The following NRP2 variants were observed in gnomAD, a reference collection of about 807,000 sequenced individuals.
NRP2 encodes neuropilin 2, also known as neuropilin-2.
In NRP2, 52 loss-of-function variants were observed where a neutral mutation model predicts 110.4. The observed-to-expected ratio is 0.47, with a 90% confidence interval of 0.38 to 0.59. The LOEUF is 0.59. Ranked by LOEUF, NRP2 falls within the 20% of genes least tolerant of loss-of-function variation. The pLI is 0.00. For synonymous variants in NRP2, 508 were observed against 468.9 expected, an observed-to-expected ratio of 1.08 and a Z score of -1.08; for missense variants, 1,049 against 1,203.0, an observed-to-expected ratio of 0.87 and a Z score of 1.89.
chr2:205,741,165 G>A (rs2057434485), intron 8 of NRP2, among the ~76,000 whole-genome samples: 1 of 152,296 alleles, frequency 6.6e-6, no homozygotes, highest in South Asian at 2.1e-4. Flanking sequence ...TTCTGTGTGG[G>A]CATATGGACA....
intron 14 of NRP2, 132 bp from the exon 15 acceptor site, chr2:205,766,651 C>A: frequency 1.3e-6 from 1 of 782,768 alleles, no homozygotes; most frequent in Non-Finnish European, 2.2e-6. Flanking sequence ...ATGGGGGGCC[C>A]TCTCCATGGA....
rs1280050583 is a variant in NRP2, at chr2:205,726,052, C to T, written c.960C>T (p.Pro320=). The change falls in exon 6 of 17, where the codon CCC becomes CCT. Residue 320 remains proline (P), a synonymous_variant. Transcript: ENST00000357785. The stretch of plus-strand genomic sequence containing the variant: ...ATGGTGATGACAATGGCTGGACCCC[C>T]AACTTGGATTCCAACAAGGAGTATC... ...RLHGDDNGWT[P]NLDSNKEYLQ... 2 of 1,614,076 alleles carry T rather than the reference C, an allele frequency of 1.2e-6. No homozygotes were observed. Among genetic ancestry groups the T allele is most frequent in the African/African-American group, 2.7e-5 (2 of 74,924 alleles).
intron 2 of NRP2, among the ~76,000 whole-genome samples, chr2:205,703,609 C>T (rs2056609012): frequency 6.6e-6 from 1 of 152,198 alleles, no homozygotes; most frequent in South Asian, 2.1e-4. Context: ...GGACCTGTTA[C>T]GTGGGCCCAC....
intron 15 of NRP2, chr2:205,767,529 G>A: frequency 2.3e-6 from 1 of 425,904 alleles, no homozygotes; most frequent in Non-Finnish European, 4.7e-6. Context: ...AAAGCAGAGA[G>A]AGCAGAGCAA....
At chr2:205,783,236 G>A (rs905198348) in intron 15 of NRP2, among the ~76,000 whole-genome samples, 3 of 152,000 alleles carry the variant, frequency 2.0e-5, no homozygotes, top group Admixed American at 6.6e-5. Context: ...GCCAACTTAC[G>A]GGGAATATGG....
intron 7 of NRP2, among the ~76,000 whole-genome samples, chr2:205,734,367 A>G (rs2057300885): frequency 6.6e-6 from 1 of 151,806 alleles, no homozygotes; most frequent in Non-Finnish European, 1.5e-5. Context: ...AAACAACAAA[A>G]AAAGCCCATT....
intron 12 of NRP2, among the ~76,000 whole-genome samples, chr2:205,759,018 G>A (rs1487136377): frequency 6.6e-6 from 1 of 151,934 alleles, no homozygotes; most frequent in South Asian, 2.1e-4. Context: ...GCCATAAATC[G>A]GGAGATTCCA....
intron 12 of NRP2, among the ~76,000 whole-genome samples, chr2:205,753,868 T>A (rs561927573): frequency 5.9e-5 from 9 of 152,220 alleles, no homozygotes; most frequent in Non-Finnish European, 8.8e-5. Flanking sequence ...TTTTCCATTG[T>A]GCAAATACAG....
intron 15 of NRP2, chr2:205,776,947 CAT>C (rs768431450): frequency 3.5e-4 from 401 of 1,142,858 alleles, no homozygotes; most frequent in Admixed American, 2.4e-3. Flanking sequence ...ACATAGTAGA[CAT>C]GTGTGTGTGT....
chr2:205,782,842 C>G (rs1024120167), intron 15 of NRP2, among the ~76,000 whole-genome samples: 1 of 151,602 alleles, frequency 6.6e-6, no homozygotes, highest in Non-Finnish European at 1.5e-5. Flanking sequence ...GATGAGTGTT[C>G]AGACTGTGTC....
intron 2 of NRP2, among the ~76,000 whole-genome samples, chr2:205,708,298 G>A (rs2056726240): frequency 6.6e-6 from 1 of 152,168 alleles, no homozygotes; most frequent in Non-Finnish European, 1.5e-5. Flanking sequence ...CCTTACATAA[G>A]CAAACATGTT....
At chr2:205,766,737 G>A in intron 14 of NRP2, 46 bp from the exon 15 acceptor site, 1 of 1,555,626 alleles carries the variant, frequency 6.4e-7, no homozygotes, top group Non-Finnish European at 8.9e-7. Flanking sequence ...TCACCCAATT[G>A]TTTCTTGCCT....
intron 12 of NRP2, 26 bp downstream of exon 12, chr2:205,753,001 GAA>G: frequency 6.2e-7 from 1 of 1,612,350 alleles, no homozygotes; most frequent in Non-Finnish European, 8.5e-7. Flanking sequence ...GTGAAGATAT[GAA>G]AGAGTTAAGG....
At position 205,733,823 on chromosome 2, in the gene NRP2, C is replaced by T. The variant is rs556250985; in HGVS notation, c.1146+5777C>T. Among the ~76,000 whole-genome samples, 68 of 152,100 alleles carry T rather than the reference C, an allele frequency of 4.5e-4. No individual in the cohort carries two copies. The South Asian group carries it at 0.013, about 29-fold the overall frequency. Reference sequence around the variant, plus strand: ...CCCACCCCTGAGCTGCCCTCCTCCCCGCTCCTCCCTGATGCGTTCCTGTCT... The same window carrying T: ...CCCACCCCTGAGCTGCCCTCCTCCCTGCTCCTCCCTGATGCGTTCCTGTCT... On this transcript the variant is annotated intron_variant, in intron 7 of 16. Transcript: ENST00000357785.
chr2:205,706,284 G>A lies in NRP2; in HGVS notation c.251+8563G>A, dbSNP rs538227437. Among the ~76,000 whole-genome samples the A allele has an allele frequency of 4.6e-4, 70 of 152,154 alleles. No homozygotes were observed. The South Asian group carries it at 0.014, about 29-fold the overall frequency. The stretch of plus-strand genomic sequence containing the variant: ...CGAGACATGTAAACAGTCCGTGGCC[G>A]AGCTGTCAGGACGAAGCCAGACACA... On this transcript the variant is annotated intron_variant, in intron 2 of 16. Coordinates refer to ENST00000357785, the MANE Select transcript of NRP2 (RefSeq NM_003872.3).
chr2:205,708,294 A>G (rs2056725936), intron 2 of NRP2, among the ~76,000 whole-genome samples: 1 of 152,196 alleles, frequency 6.6e-6, no homozygotes, highest in Admixed American at 6.5e-5. Context: ...CATTCCTTAC[A>G]TAAGCAAACA....
rs201514987 is a variant in NRP2, at chr2:205,776,508, C to G, written c.2425+9705C>G. On this transcript the variant is annotated intron_variant, in intron 15 of 16. Transcript: ENST00000357785. ...CCCTAACCATTAAGCTAGAGCAAGA[C>G]CGTGGCTCGCACTGCTGAGGGCCGA... 6.2e-6 allele frequency: 10 copies of G among 1,606,604 alleles called. No individual in the cohort carries two copies. The Admixed American group carries it at 1.7e-4, about 27-fold the overall frequency.
At chr2:205,687,492 C>T (rs2056199555) in intron 1 of NRP2, among the ~76,000 whole-genome samples, 1 of 152,172 alleles carries the variant, frequency 6.6e-6, no homozygotes, top group Admixed American at 6.5e-5. Flanking sequence ...CAGTTGCCAG[C>T]AGAGCACACA....
chr2:205,700,084 G>T (rs1438275256), intron 2 of NRP2, among the ~76,000 whole-genome samples: 1 of 151,932 alleles, frequency 6.6e-6, no homozygotes, highest in Non-Finnish European at 1.5e-5. Flanking sequence ...ATTTGCATTT[G>T]CCATAAATGG....
Sources: allele counts gnomAD v4.1 joint callset (sites outside exome capture counted in the v4.1 genomes callset), GRCh38; gene constraint gnomAD v4.1.1; transcripts MANE v1.5; gene names NCBI Gene and HGNC (gene_info 2026-07-23, HGNC 2026-07-21).